KCNN4: variants seen among roughly 807,000 people sequenced by gnomAD.
KCNN4 encodes the protein intermediate conductance calcium-activated potassium channel protein 4.
A neutral mutation model predicts 45.2 loss-of-function variants in KCNN4; 31 were observed. The observed-to-expected ratio is 0.69, with a 90% CI of 0.52 to 0.92. KCNN4 has a LOEUF of 0.92. Among genes scored for constraint, KCNN4 ranks in the 40% least tolerant of loss-of-function variants. KCNN4 has a pLI of 0.00. For synonymous variants in KCNN4, 231 were observed against 254.6 expected, an observed-to-expected ratio of 0.91 and a Z score of 0.88; for missense variants, 463 against 574.0, an observed-to-expected ratio of 0.81 and a Z score of 1.98.
At chr19:43,777,087 A>ACAAG (rs1969831059) in intron 1 of KCNN4, among the ~76,000 whole-genome samples, 1 of 152,166 alleles carries the variant, frequency 6.6e-6, no homozygotes, top group South Asian at 2.1e-4. Context: ...CCGTCTCGAA[A>ACAAG]CAAGCAAGCA....
intron 8 of KCNN4, 154 bp downstream of exon 8, chr19:43,767,386 C>T (rs1213033060): frequency 2.7e-5 from 25 of 938,572 alleles, no homozygotes; most frequent in Non-Finnish European, 3.1e-5. Context: ...CAGTCCAGCC[C>T]CGAACTGAGT....
At chr19:43,780,482 A>C (rs1317119876) in intron 1 of KCNN4, among the ~76,000 whole-genome samples, 1 of 81,772 alleles carries the variant, frequency 1.2e-5, no homozygotes, top group African/African-American at 4.9e-5. Flanking sequence ...CCTCAGACCC[A>C]GGAGTCCAGG....
chr19:43,769,958 G>C lies in KCNN4; in HGVS notation c.820-129C>G. The C allele has an allele frequency of 1.5e-6, 1 of 651,668 alleles. No individual in the cohort carries two copies. The highest frequency in any genetic ancestry group is 1.8e-5 in the African/African-American group (1 of 55,274). The allele number at this position is 651,668 out of a possible 1,614,324, so 40.4% of individuals were successfully genotyped here. On this transcript the variant is annotated intron_variant, in intron 4 of 8. Transcript: ENST00000648319. The surrounding 1 kb of genome is among the most constrained non-coding windows in gnomAD (Gnocchi z 4.4). Reference sequence around the variant, plus strand: ...GACAAGCAAAGAGGCTCAGAGAGGAGAGCCAAGGTCCCAGCTCAGAGCGGT... The same window carrying C: ...GACAAGCAAAGAGGCTCAGAGAGGACAGCCAAGGTCCCAGCTCAGAGCGGT...
At chr19:43,767,157 A>G (rs1485487802) in intron 8 of KCNN4, 68 bp from the exon 9 acceptor site, 1 of 231,182 alleles carries the variant, frequency 4.3e-6, no homozygotes, top group African/African-American at 2.2e-5. Flanking sequence ...GGACACACCG[A>G]GGTGCAGACA....
intron 1 of KCNN4, among the ~76,000 whole-genome samples, chr19:43,779,481 A>T (rs1447294471): frequency 6.6e-6 from 1 of 151,988 alleles, no homozygotes; most frequent in Non-Finnish European, 1.5e-5. Context: ...GACCCTCAGG[A>T]ATCTACCCAA....
At chr19:43,771,896 C>T in intron 4 of KCNN4, 104 bp downstream of exon 4, 1 of 1,371,510 alleles carries the variant, frequency 7.3e-7, no homozygotes. Flanking sequence ...TTCTCAGGAG[C>T]TGTCCCTGAG....
At chr19:43,767,408 G>T in intron 8 of KCNN4, 132 bp downstream of exon 8, 1 of 1,160,282 alleles carries the variant, frequency 8.6e-7, no homozygotes, top group Non-Finnish European at 1.2e-6. Context: ...CTTTCCTCCA[G>T]ACAGTGCCAG....
intron 4 of KCNN4, among the ~76,000 whole-genome samples, chr19:43,770,910 T>G (rs1222117073): frequency 6.6e-6 from 1 of 152,166 alleles, no homozygotes; most frequent in Non-Finnish European, 1.5e-5. Flanking sequence ...TGCAGGTCCC[T>G]AACTGAGTCT....
chr19:43,771,354 C>T (rs56310246), intron 4 of KCNN4, among the ~76,000 whole-genome samples: 6,450 of 152,226 alleles, frequency 0.042, 182 homozygotes, highest in Non-Finnish European at 0.067. Flanking sequence ...CGTAGTTGGA[C>T]CCATTTAATC....
At chr19:43,776,684 C>CACCT in intron 1 of KCNN4, 48 bp from the exon 2 acceptor site, 1 of 1,258,776 alleles carries the variant, frequency 7.9e-7, no homozygotes, top group Non-Finnish European at 1.2e-6. Context: ...GGTCTCCCTC[C>CACCT]GCCTGGCCCT....
rs890157086 is a variant in KCNN4 at position 43,776,424 on chromosome 19, C to G, written c.255+117G>C. 4 of 740,100 alleles carry G rather than the reference C, an allele frequency of 5.4e-6. No homozygotes were observed. In the African/African-American group the frequency reaches 6.9e-5, roughly 13 times the overall value. The allele number at this position is 740,100 out of a possible 1,614,324, so 45.8% of individuals were successfully genotyped here. A position where few individuals can be genotyped will look rare whatever the true frequency, so the allele number is the denominator to read the frequency against. Reference sequence around the variant, plus strand: ...GTAGGTGAGGGTGTGGACGCAGCACCTAGGGCAGAAGAACTTCATTACTCA... The same window carrying G: ...GTAGGTGAGGGTGTGGACGCAGCACGTAGGGCAGAAGAACTTCATTACTCA... On this transcript the variant is annotated intron_variant, in intron 2 of 8. Transcript: ENST00000648319.
At chr19:43,773,190 G>A (rs763718695) in intron 3 of KCNN4, among the ~76,000 whole-genome samples, 23 of 152,258 alleles carry the variant, frequency 1.5e-4, no homozygotes, top group Non-Finnish European at 1.5e-4. Flanking sequence ...CCAGCCACTA[G>A]GGAGGCTGAG....
In KCNN4 at chr19:43,767,583, C is replaced by G; in HGVS notation, c.1244G>C (p.Gly415Ala). 1 of 1,614,074 alleles carries G rather than the reference C, an allele frequency of 6.2e-7. No homozygotes were observed. Residue 415 changes from glycine (G) to alanine (A), a missense_variant, in exon 8 of 9, where the codon GGG becomes GCG. This residue lies in a region of KCNN4 where 129 missense variants were observed against 149.4 expected (regional missense o/e 0.86). Transcript: ENST00000648319. ...ALTELLSTALGPRQLPEPSQQ... is the reference protein window; with the variant it reads ...ALTELLSTALAPRQLPEPSQQ... ...GCTGGGTTCTGGAAGCTGCCTCGGC[C>G]CCAGGGCAGTGCTAAGCAGCTCAGT...
chr19:43,772,489 C>T lies in KCNN4; in HGVS notation c.684-354G>A, dbSNP rs1234835251. Among the ~76,000 whole-genome samples, 3 of 152,138 alleles carry T rather than the reference C, an allele frequency of 2.0e-5. No individual in the cohort carries two copies. On this transcript the variant is annotated intron_variant, in intron 3 of 8. Coordinates refer to ENST00000648319, the MANE Select transcript of KCNN4 (RefSeq NM_002250.3). This position sits in a 1 kb window ranked among gnomAD's most constrained non-coding sequence, Gnocchi z 4.4. The stretch of plus-strand genomic sequence containing the variant: ...GTGGAGAGTCGATAGGGGGCCAAAA[C>T]CCAGTCAGACCCTGACTGGTGGCTA...
Position 43,779,307 on chromosome 19 carries a change from G to A in KCNN4, c.159+1396C>T, listed in dbSNP as rs529126591. Reference sequence around the variant, plus strand: ...GGGTGCGGTGCTTCGGCGTGGGAGCGGCGGGCAGGCCCCGGCCATGCTTCC... The same window carrying A: ...GGGTGCGGTGCTTCGGCGTGGGAGCAGCGGGCAGGCCCCGGCCATGCTTCC... On this transcript the variant is annotated intron_variant, in intron 1 of 8. Coordinates refer to ENST00000648319, the MANE Select transcript of KCNN4 (RefSeq NM_002250.3). Among the ~76,000 whole-genome samples the A allele has an allele frequency of 1.1e-4, 16 of 152,254 alleles. No individual in the cohort carries two copies. The East Asian group carries it at 2.7e-3, about 26-fold the overall frequency.
rs199835479 is a variant in KCNN4 at position 43,767,658 on chromosome 19, C to T, written c.1169G>A (p.Arg390Gln). The T allele has an allele frequency of 1.0e-4, 165 of 1,614,034 alleles. No homozygotes were observed. The highest frequency in any genetic ancestry group is 1.3e-4 in the Non-Finnish European group (153 of 1,180,032). The change falls in exon 8 of 9, where the codon CGG (arginine) becomes CAG (glutamine). Residue 390 changes from arginine to glutamine, a missense_variant. Physicochemically the swap from Arg to Gln is conservative, Grantham distance 43. Coordinates refer to ENST00000648319, the MANE Select transcript of KCNN4 (RefSeq NM_002250.3). ...CGTGTCAATCTGTTTCTCCAGGGCC[C>T]GGTGTGAGCTGCTCAGATTCTGCTG... Reference protein sequence around the residue: ...DLQQNLSSSHRALEKQIDTLA... With the variant: ...DLQQNLSSSHQALEKQIDTLA...
At position 43,772,075 on chromosome 19, in the gene KCNN4, G is replaced by A; in HGVS notation, c.744C>T (p.Phe248=). The A allele has an allele frequency of 6.2e-7, 1 of 1,613,554 alleles. No homozygotes were observed. The highest frequency in any genetic ancestry group is 8.5e-7 in the Non-Finnish European group (1 of 1,179,858). Residue 248 remains phenylalanine (F), a synonymous_variant, in exon 4 of 9, where the codon TTC becomes TTT. Transcript: ENST00000648319. The surrounding 1 kb of genome is among the most constrained non-coding windows in gnomAD (Gnocchi z 4.4). ...CCACGTCACCATAGCCGATGGTCAG[G>A]AATGTGATGGGGATCAGCCAAAGTG... is the stretch of plus-strand genomic sequence containing the variant. ...SDTLWLIPIT[F]LTIGYGDVVP...
chr19:43,777,160 A>T (rs913118595), intron 1 of KCNN4, among the ~76,000 whole-genome samples: 2 of 152,040 alleles, frequency 1.3e-5, no homozygotes, highest in African/African-American at 4.8e-5. Context: ...TTTCTCCCCA[A>T]CAGGACAACC....
chr19:43,767,247 A>G (rs2146436558), intron 8 of KCNN4, 158 bp from the exon 9 acceptor site: 1 of 370,550 alleles, frequency 2.7e-6, no homozygotes, highest in Non-Finnish European at 5.1e-6. Context: ...GCATTTAGAC[A>G]GAGACATTGG....
Sources: gnomAD v4.1 joint callset for allele counts (sites outside exome capture counted in the v4.1 genomes callset) on GRCh38, gnomAD v4.1.1 for gene constraint, gnomAD v4.1.1 regional missense constraint, Gnocchi (gnomAD v3.1) non-coding constraint, MANE v1.5 for transcripts, NCBI Gene and HGNC (gene_info 2026-07-23, HGNC 2026-07-21) for gene names.